The following BNC2 variants were observed in gnomAD, a reference collection of about 807,000 sequenced individuals.
BNC2 encodes zinc finger protein basonuclin-2.
A neutral mutation model predicts 76.3 loss-of-function variants in BNC2; 20 were observed. The ratio of observed to expected loss-of-function variants is 0.26; its 90% CI spans 0.18 to 0.38. The LOEUF (loss-of-function observed/expected upper bound fraction) is 0.38, where lower values mean the gene tolerates loss of function less well. Among genes scored for constraint, BNC2 ranks in the 10% least tolerant of loss-of-function variants. The probability of loss-of-function intolerance (pLI) is 1.00; values close to 1 mark genes in which losing one functional copy is unlikely to be tolerated. For synonymous variants in BNC2, 582 were observed against 514.8 expected (o/e 1.13, Z -1.77); for missense variants, 1,382 against 1,399.8 (o/e 0.99, Z 0.20).
chr9:16,511,140 T>C (rs1159525260), intron 5 of BNC2, among the ~76,000 whole-genome samples: 1 of 150,356 alleles, frequency 6.7e-6, no homozygotes, highest in Non-Finnish European at 1.5e-5. Context: ...AAACAGGTCT[T>C]GTTCTGTCAC....
intron 3 of BNC2, among the ~76,000 whole-genome samples, chr9:16,700,100 T>C (rs972755374): frequency 6.6e-5 from 10 of 152,234 alleles, no homozygotes; most frequent in African/African-American, 2.4e-4. Flanking sequence ...TAATGTGATA[T>C]ACAGCACCCA....
chr9:16,657,633 C>G (rs753534311), intron 3 of BNC2, among the ~76,000 whole-genome samples: 82 of 152,130 alleles, frequency 5.4e-4, no homozygotes, highest in Middle Eastern at 6.8e-3. Context: ...TGTGCTTGGA[C>G]CAGAAAGAGG....
At chr9:16,832,504 C>G (rs148068273) in intron 1 of BNC2, among the ~76,000 whole-genome samples, 1 of 152,312 alleles carries the variant, frequency 6.6e-6, no homozygotes, top group East Asian at 1.9e-4. Context: ...ACCTCCACCC[C>G]ACTCGTGTCC....
chr9:16,786,177 C>T (rs1415883288), intron 1 of BNC2, among the ~76,000 whole-genome samples: 5 of 152,086 alleles, frequency 3.3e-5, no homozygotes, highest in Non-Finnish European at 4.4e-5. Context: ...AGAAAGTGTG[C>T]GCTAGTTTTT....
chr9:16,561,304 C>T (rs1173070915), intron 4 of BNC2, among the ~76,000 whole-genome samples: 2 of 151,822 alleles, frequency 1.3e-5, no homozygotes, highest in East Asian at 3.9e-4. Flanking sequence ...ACATATGCCC[C>T]CACTCACATA....
intron 3 of BNC2, among the ~76,000 whole-genome samples, chr9:16,639,629 AT>A (rs1821429882): frequency 6.6e-6 from 1 of 152,114 alleles, no homozygotes; most frequent in Non-Finnish European, 1.5e-5. Flanking sequence ...AAAAAAAAAA[AT>A]CTCAAGTCAG....
chr9:16,852,460 T>C (rs1819151041), intron 1 of BNC2, among the ~76,000 whole-genome samples: 1 of 152,198 alleles, frequency 6.6e-6, no homozygotes, highest in South Asian at 2.1e-4. Flanking sequence ...AATCCGTTCA[T>C]ATTCACAAGG....
At chr9:16,604,370 A>G (rs1303201135) in intron 3 of BNC2, among the ~76,000 whole-genome samples, 2 of 152,272 alleles carry the variant, frequency 1.3e-5, no homozygotes, top group Non-Finnish European at 2.9e-5. Flanking sequence ...GCTGCATGAC[A>G]TAATTTAAAT....
chr9:16,754,714 T>C (rs1825329481), intron 1 of BNC2, among the ~76,000 whole-genome samples: 4 of 152,086 alleles, frequency 2.6e-5, no homozygotes, highest in South Asian at 2.1e-4. Flanking sequence ...CCCACCACCA[T>C]GCCCAGCTAA....
intron 3 of BNC2, among the ~76,000 whole-genome samples, chr9:16,618,294 A>G (rs916350194): frequency 3.3e-5 from 5 of 152,084 alleles, no homozygotes; most frequent in South Asian, 2.1e-4. Context: ...TCTCTACCCA[A>G]TTTTAGCTCT....
At chr9:16,649,200 C>G (rs145890900) in intron 3 of BNC2, among the ~76,000 whole-genome samples, 1 of 152,168 alleles carries the variant, frequency 6.6e-6, no homozygotes, top group Non-Finnish European at 1.5e-5. Flanking sequence ...ACTCACGGGC[C>G]CCAGCACACC....
intron 3 of BNC2, among the ~76,000 whole-genome samples, chr9:16,667,097 ACACACACACACG>A (rs914507751): frequency 2.6e-5 from 4 of 151,700 alleles, no homozygotes; most frequent in African/African-American, 9.7e-5. Flanking sequence ...ACACACACAC[ACACACACACACG>A]CACACACGCA....
At chr9:16,460,699 C>T (rs1821559857) in intron 5 of BNC2, among the ~76,000 whole-genome samples, 1 of 152,096 alleles carries the variant, frequency 6.6e-6, no homozygotes, top group Non-Finnish European at 1.5e-5. Flanking sequence ...TGCTTCAACA[C>T]CGAGTCTTTT....
chr9:16,865,835 G>T (rs1035430083), intron 1 of BNC2, among the ~76,000 whole-genome samples: 8 of 152,058 alleles, frequency 5.3e-5, no homozygotes, highest in Non-Finnish European at 7.4e-5. Context: ...TTAGAATATG[G>T]GTTCGTAACA....
chr9:16,786,425 G>T (rs1489765950), intron 1 of BNC2, among the ~76,000 whole-genome samples: 1 of 151,724 alleles, frequency 6.6e-6, no homozygotes, highest in Non-Finnish European at 1.5e-5. Context: ...ACCCAGTACA[G>T]AAGAAACGGA....
intron 5 of BNC2, among the ~76,000 whole-genome samples, chr9:16,486,834 T>C (rs1185583778): frequency 6.6e-6 from 1 of 152,078 alleles, no homozygotes; most frequent in African/African-American, 2.4e-5. Context: ...CAAGCGATCC[T>C]CCTGCCTCAG....
intron 1 of BNC2, among the ~76,000 whole-genome samples, chr9:16,805,177 T>A (rs1817876255): frequency 6.6e-6 from 1 of 152,260 alleles, no homozygotes; most frequent in Non-Finnish European, 1.5e-5. Context: ...ATAGTAGGGT[T>A]TGTCAGAGAA....
rs1823919120 is a variant in BNC2, at chr9:16,713,794, C to G, written c.330+14003G>C. ...AATTAAAATACTTACTCAATTTTGGCTGGGCGTGGTGCCCTCATGCTTCTA... is the reference window on the plus strand; with the variant it reads ...AATTAAAATACTTACTCAATTTTGGGTGGGCGTGGTGCCCTCATGCTTCTA... On this transcript the variant is annotated intron_variant, in intron 3 of 6. Transcript: ENST00000380672. Among the ~76,000 whole-genome samples, 3 of 152,090 alleles carry G rather than the reference C, an allele frequency of 2.0e-5. No individual in the cohort carries two copies. The South Asian group carries it at 6.2e-4, about 32-fold the overall frequency.
chr9:16,576,884 C>T (rs4961724), intron 4 of BNC2, among the ~76,000 whole-genome samples: 119,916 of 152,032 alleles, frequency 0.79, 48,876 homozygotes, highest in Non-Finnish European at 0.9. Context: ...ATTACAGGTA[C>T]GCACCACCAC....
Sources: allele counts gnomAD v4.1 joint callset (sites outside exome capture counted in the v4.1 genomes callset), GRCh38; gene constraint gnomAD v4.1.1; transcripts MANE v1.5; gene names NCBI Gene and HGNC (gene_info 2026-07-23, HGNC 2026-07-21).